The following TUT4 variants were observed in gnomAD, a reference collection of about 807,000 sequenced individuals.
TUT4 encodes the protein terminal uridylyltransferase 4.
A neutral mutation model predicts 192.2 loss-of-function variants in TUT4; 36 were observed. The observed-to-expected ratio is 0.19, with a 90% CI of 0.14 to 0.25. The LOEUF (loss-of-function observed/expected upper bound fraction) is 0.25, where lower values mean the gene tolerates loss of function less well. Among genes scored for constraint, TUT4 ranks in the 10% least tolerant of loss-of-function variants. The probability of loss-of-function intolerance (pLI) is 1.00; values close to 1 mark genes in which losing one functional copy is unlikely to be tolerated. For missense variants in TUT4, 1,493 were observed against 1,957.2 expected, an observed-to-expected ratio of 0.76 and a Z score of 4.47; for synonymous variants, 618 against 666.0, an observed-to-expected ratio of 0.93 and a Z score of 1.11.
At chr1:52,454,933 G>A (rs1252896471) in intron 20 of TUT4, among the ~76,000 whole-genome samples, 2 of 152,110 alleles carry the variant, frequency 1.3e-5, no homozygotes, top group African/African-American at 2.4e-5. Flanking sequence ...CATATGAATG[G>A]CAAAATAAGC....
intron 4 of TUT4, among the ~76,000 whole-genome samples, chr1:52,504,694 A>G (rs1013217345): frequency 5.3e-5 from 8 of 152,140 alleles, no homozygotes; most frequent in African/African-American, 1.9e-4. Context: ...ACTATAACAC[A>G]GAACACAAAT....
intron 24 of TUT4, among the ~76,000 whole-genome samples, chr1:52,439,252 TAAC>T (rs906701190): frequency 1.3e-5 from 2 of 151,936 alleles, no homozygotes; most frequent in Admixed American, 6.6e-5. Context: ...ATAAATAAAT[TAAC>T]AACAACAAAA....
intron 9 of TUT4, among the ~76,000 whole-genome samples, chr1:52,483,922 A>G (rs72903655): frequency 6.6e-6 from 1 of 152,172 alleles, no homozygotes. Context: ...CAAGAGGCAG[A>G]GGCAGAAGTC....
intron 20 of TUT4, 43 bp downstream of exon 20, chr1:52,458,293 T>TG: frequency 3.4e-6 from 5 of 1,471,422 alleles, no homozygotes; most frequent in Non-Finnish European, 4.7e-6. Flanking sequence ...TTAGATCTAT[T>TG]GTTTTCAAAA....
At chr1:52,539,811 G>A (rs1295499242) in intron 1 of TUT4, among the ~76,000 whole-genome samples, 1 of 151,782 alleles carries the variant, frequency 6.6e-6, no homozygotes, top group Admixed American at 6.6e-5. Flanking sequence ...GGAGGCTGAG[G>A]AAGAAGAATC....
intron 4 of TUT4, among the ~76,000 whole-genome samples, chr1:52,507,133 C>A (rs1033190623): frequency 6.6e-6 from 1 of 152,222 alleles, no homozygotes. Context: ...AATCACTGGT[C>A]TAATTTCCTC....
chr1:52,504,183 ATC>A (rs1472235635), intron 4 of TUT4, among the ~76,000 whole-genome samples: 2 of 152,196 alleles, frequency 1.3e-5, no homozygotes, highest in African/African-American at 4.8e-5. Flanking sequence ...TACATCCTGA[ATC>A]TCTCTTAAAA....
intron 25 of TUT4, among the ~76,000 whole-genome samples, 193 bp downstream of exon 25, chr1:52,438,027 G>C (rs74634479): frequency 0.013 from 2,041 of 152,050 alleles, 46 homozygotes; most frequent in African/African-American, 0.047. Context: ...ATGAACAAAT[G>C]AATGTTAGAA....
At chr1:52,503,856 C>T (rs1269139318) in intron 4 of TUT4, among the ~76,000 whole-genome samples, 1 of 152,038 alleles carries the variant, frequency 6.6e-6, no homozygotes, top group Non-Finnish European at 1.5e-5. Context: ...ACTGTTCTTC[C>T]TCTACTAGTC....
chr1:52,431,688 G>T (rs771723274), intron 27 of TUT4: 2 of 318,176 alleles, frequency 6.3e-6, no homozygotes, highest in Non-Finnish European at 1.1e-5. Context: ...GGTTCCCATC[G>T]TGCAGAACAC....
intron 1 of TUT4, among the ~76,000 whole-genome samples, chr1:52,543,342 T>C (rs1237495011): frequency 4.6e-5 from 7 of 151,856 alleles, no homozygotes; most frequent in Non-Finnish European, 8.8e-5. Flanking sequence ...TACAATACCA[T>C]CAAAAAGAAT....
At position 52,525,683 on chromosome 1, in the gene TUT4, C is replaced by G. The variant is rs765111912; in HGVS notation, c.598G>C (p.Gly200Arg). The G allele has an allele frequency of 1.9e-6, 3 of 1,614,010 alleles. No homozygotes were observed. Among genetic ancestry groups the G allele is most frequent in the Non-Finnish European group, 2.5e-6 (3 of 1,180,024 alleles). The change falls in exon 2 of 30, where the codon GGG becomes CGG. Residue 200 changes from glycine to arginine, a missense_variant. Transcript: ENST00000257177. ...TTTTGCAGAGCACATTTTTCTCCCC[C>G]TACAGCTTCAATATTCACTTTGTCC... Reference protein sequence around the residue: ...SVDKVNIEAVGGEKCALQNSP... With the variant: ...SVDKVNIEAVRGEKCALQNSP...
chr1:52,437,490 T>C (rs943534101), intron 25 of TUT4: 2 of 153,014 alleles, frequency 1.3e-5, no homozygotes, highest in African/African-American at 4.8e-5. Context: ...CCAAGATCTA[T>C]AAATATAGCT....
rs192677479 is a variant in TUT4, at chr1:52,514,500, T to C, written c.882+1391A>G. ...ATTGCAAAAAAGACTTCCTTTTAACTAGGATCTTGTAATACTAACTATACA... is the reference window on the plus strand; with the variant it reads ...ATTGCAAAAAAGACTTCCTTTTAACCAGGATCTTGTAATACTAACTATACA... On this transcript the variant is annotated intron_variant, in intron 3 of 29. Transcript: ENST00000257177. Among the ~76,000 whole-genome samples the C allele has an allele frequency of 3.3e-5, 5 of 152,248 alleles. No homozygotes were observed. The East Asian group carries it at 9.7e-4, about 29-fold the overall frequency.
In TUT4 at chr1:52,472,019, T is replaced by C; in HGVS notation, c.2811A>G (p.Leu937=). The part of the protein sequence containing the change: ...DCPEDFRKID[L]KPLPPMTNRF... ...GGTTTGTCATTGGTGGTAGAGGTTT[T>C]AAATCAATTTTCCTAAAATCCTCTG... The change falls in exon 14 of 30, where the codon TTA becomes TTG. Residue 937 remains leucine, a synonymous_variant. Transcript: ENST00000257177. The C allele has an allele frequency of 6.2e-7, 1 of 1,613,958 alleles. No individual in the cohort carries two copies. Among genetic ancestry groups the C allele is most frequent in the Non-Finnish European group, 8.5e-7 (1 of 1,179,924 alleles).
chr1:52,515,601 G>C (rs1678517195), intron 3 of TUT4: 1 of 494,416 alleles, frequency 2.0e-6, no homozygotes. Context: ...AAAAACGGTG[G>C]GGAGACTAGG....
At chr1:52,441,184 G>A (rs1655402956) in intron 24 of TUT4, among the ~76,000 whole-genome samples, 2 of 151,898 alleles carry the variant, frequency 1.3e-5, no homozygotes, top group Admixed American at 1.3e-4. Context: ...AAAGCTAAAG[G>A]ACTATTTATT....
chr1:52,493,462 A>C, intron 7 of TUT4, 149 bp downstream of exon 7: 1 of 557,874 alleles, frequency 1.8e-6, no homozygotes, highest in Non-Finnish European at 3.2e-6. Flanking sequence ...TCTATAAACA[A>C]GTGTGTGTAT....
intron 1 of TUT4, among the ~76,000 whole-genome samples, chr1:52,532,796 G>A (rs924472772): frequency 1.3e-5 from 2 of 152,172 alleles, no homozygotes; most frequent in African/African-American, 2.4e-5. Flanking sequence ...GTAGCACAGA[G>A]TTTCCTAAAT....
Sources: gnomAD v4.1 joint callset for allele counts (sites outside exome capture counted in the v4.1 genomes callset) on GRCh38, gnomAD v4.1.1 for gene constraint, MANE v1.5 for transcripts, NCBI Gene and HGNC (gene_info 2026-07-23, HGNC 2026-07-21) for gene names.